Variants in GSE1 observed in about 807,000 individuals in gnomAD.
The protein encoded by GSE1 is genetic suppressor element 1.
GSE1 carries 32 observed loss-of-function variants against 112.6 expected under a neutral mutation model. That is an observed-to-expected ratio of 0.28 (90% CI 0.21 to 0.38). GSE1 has a LOEUF of 0.38. Among genes scored for constraint, GSE1 ranks in the 10% least tolerant of loss-of-function variants. The pLI is 1.00. For missense variants in GSE1, 2,348 were observed against 1,699.2 expected, an observed-to-expected ratio of 1.38 and a Z score of -6.71; for synonymous variants, 1,115 against 735.6, an observed-to-expected ratio of 1.52 and a Z score of -8.35.
At chr16:85,324,456 G>C (rs2046183018) in intron 1 of GSE1, among the ~76,000 whole-genome samples, 1 of 149,904 alleles carries the variant, frequency 6.7e-6, no homozygotes, top group African/African-American at 2.5e-5. Context: ...GTTGCAGTGA[G>C]TTGAGATCAC....
intron 1 of GSE1, among the ~76,000 whole-genome samples, chr16:85,313,719 T>TGTCC (rs1380946904): frequency 6.6e-6 from 1 of 152,214 alleles, no homozygotes; most frequent in African/African-American, 2.4e-5. Flanking sequence ...CGCGGAGAGC[T>TGTCC]GTCCGGGAGC....
At chr16:85,460,026 T>C (rs951054966) in intron 2 of GSE1, among the ~76,000 whole-genome samples, 1 of 152,168 alleles carries the variant, frequency 6.6e-6, no homozygotes, top group Non-Finnish European at 1.5e-5. Context: ...CTGGGGTGCA[T>C]GAGCCCCCAG....
intron 2 of GSE1, among the ~76,000 whole-genome samples, chr16:85,434,307 CTAATAATAATAATAA>C (rs59877761): frequency 3.5e-5 from 5 of 142,294 alleles, no homozygotes; most frequent in African/African-American, 1.1e-4. Flanking sequence ...GGATGGTGGT[CTAATAATAATAATAA>C]TAATAATAAT....
rs1279005985 is a variant in GSE1 at position 85,665,130 on chromosome 16, T to G, written c.2758+2T>G. 5.7e-6 allele frequency: 9 copies of G among 1,574,520 alleles called. No homozygotes were observed. The highest frequency in any genetic ancestry group is 7.9e-6 in the Non-Finnish European group (9 of 1,144,658). On this transcript the variant is annotated splice_donor_variant, in intron 12 of 15. Transcript: ENST00000253458. LOFTEE classifies it high-confidence loss of function. ...ACAGTCCTGCCGTCTCCCTGAGTGG[T>G]AAGGGAAGGATAGCCCCACCTGCCA...
chr16:85,177,526 C>T (rs2074492144), intron 1 of GSE1, among the ~76,000 whole-genome samples: 1 of 152,222 alleles, frequency 6.6e-6, no homozygotes, highest in African/African-American at 2.4e-5. Flanking sequence ...CGACCTTCAT[C>T]CAGTTTCCCC....
At chr16:85,417,141 A>G (rs963736739) in intron 2 of GSE1, among the ~76,000 whole-genome samples, 1 of 152,214 alleles carries the variant, frequency 6.6e-6, no homozygotes, top group Non-Finnish European at 1.5e-5. Context: ...AGTTCAAATT[A>G]CAGGTGTGAG....
At chr16:85,590,955 C>G (rs1357396018) in intron 1 of GSE1, among the ~76,000 whole-genome samples, 1 of 152,178 alleles carries the variant, frequency 6.6e-6, no homozygotes, top group African/African-American at 2.4e-5. Flanking sequence ...CAGACGTGCT[C>G]TCGGAGCTGG....
intron 1 of GSE1, among the ~76,000 whole-genome samples, chr16:85,215,756 G>T (rs577446961): frequency 6.6e-6 from 1 of 152,210 alleles, no homozygotes; most frequent in Admixed American, 6.5e-5. Flanking sequence ...ACACATTCTG[G>T]GGGGGTGTGA....
intron 11 of GSE1, 53 bp downstream of exon 11, chr16:85,663,667 T>G: frequency 6.4e-7 from 1 of 1,558,244 alleles, no homozygotes; most frequent in Admixed American, 1.9e-5. Context: ...GGAAGTGGGT[T>G]TCTGAAGCAG....
intron 2 of GSE1, among the ~76,000 whole-genome samples, chr16:85,642,862 C>T (rs916836042): frequency 6.6e-6 from 1 of 152,134 alleles, no homozygotes; most frequent in African/African-American, 2.4e-5. Flanking sequence ...CTTCCATGCT[C>T]GCTGCTGGCC....
intron 1 of GSE1, among the ~76,000 whole-genome samples, chr16:85,315,466 C>A (rs2045966485): frequency 6.6e-6 from 1 of 152,168 alleles, no homozygotes; most frequent in African/African-American, 2.4e-5. Flanking sequence ...GGAGCCCGTG[C>A]TGAGTGCCTG....
chr16:85,623,560 G>T (rs529891181), intron 1 of GSE1, among the ~76,000 whole-genome samples: 1 of 152,302 alleles, frequency 6.6e-6, no homozygotes, highest in South Asian at 2.1e-4. Flanking sequence ...CCCATAGTGT[G>T]TTCCCTCGAG....
At chr16:85,339,621 G>A (rs1213671868) in intron 1 of GSE1, among the ~76,000 whole-genome samples, 4 of 150,362 alleles carry the variant, frequency 2.7e-5, no homozygotes, top group Non-Finnish European at 5.9e-5. Context: ...TGCGGAGGGG[G>A]AGGGGGGCAG....
rs371546916 is a variant in GSE1 at position 85,652,660 on chromosome 16, T to C, written c.427-1618T>C. ...CTGCACTGCCTCTGCGCGGGTGCCA[T>C]GTGCTGCTGCCGGGTCACCGTCTGC... On this transcript the variant is annotated intron_variant, in intron 3 of 15. Coordinates refer to ENST00000253458, the MANE Select transcript of GSE1 (RefSeq NM_014615.5). 5.3e-5 allele frequency among the ~76,000 whole-genome samples: 8 copies of C among 152,218 alleles called. No individual in the cohort carries two copies. The East Asian group carries it at 9.7e-4, about 18-fold the overall frequency.
chr16:85,583,982 T>C (rs958685517), intron 1 of GSE1, among the ~76,000 whole-genome samples: 1 of 152,210 alleles, frequency 6.6e-6, no homozygotes, highest in African/African-American at 2.4e-5. Context: ...CCCACTGTGA[T>C]CTCCATAGAT....
At chr16:85,269,369 A>T (rs117975825) in intron 1 of GSE1, among the ~76,000 whole-genome samples, 2 of 149,510 alleles carry the variant, frequency 1.3e-5, no homozygotes, top group East Asian at 3.9e-4. Context: ...GACTTGTAAC[A>T]TACAGACCGT....
chr16:85,452,304 A>T (rs4783206), intron 2 of GSE1, among the ~76,000 whole-genome samples: 5 of 152,042 alleles, frequency 3.3e-5, no homozygotes, highest in African/African-American at 1.2e-4. Flanking sequence ...AACCCTCATG[A>T]GCTGGGACGT....
intron 1 of GSE1, among the ~76,000 whole-genome samples, chr16:85,589,532 C>T (rs528468152): frequency 2.6e-5 from 4 of 152,180 alleles, no homozygotes; most frequent in Non-Finnish European, 5.9e-5. Flanking sequence ...CGGGGGGTCC[C>T]TGGTATTTGT....
At chr16:85,651,157 A>AG (rs2051319392) in intron 3 of GSE1, among the ~76,000 whole-genome samples, 1 of 146,586 alleles carries the variant, frequency 6.8e-6, no homozygotes, top group Non-Finnish European at 1.5e-5. Context: ...AGCTGCCCAC[A>AG]GATGCGCCCT....
Sources: allele counts gnomAD v4.1 joint callset (sites outside exome capture counted in the v4.1 genomes callset), GRCh38; gene constraint gnomAD v4.1.1; transcripts MANE v1.5; gene names NCBI Gene and HGNC (gene_info 2026-07-23, HGNC 2026-07-21).